Variants in TMEM204 observed in about 807,000 individuals in gnomAD.
TMEM204 encodes the protein claudin-like protein 24.
In TMEM204, 15 loss-of-function variants were observed where a neutral mutation model predicts 19.4. The observed-to-expected ratio is 0.77, with a 90% CI of 0.52 to 1.19. The LOEUF (loss-of-function observed/expected upper bound fraction) is 1.19. TMEM204 is among the 50% of genes most tolerant of loss of function. TMEM204 has a pLI of 0.00. For missense variants in TMEM204, 287 were observed against 321.2 expected, an observed-to-expected ratio of 0.89 and a Z score of 0.81; for synonymous variants, 161 against 146.0, an observed-to-expected ratio of 1.10 and a Z score of -0.74.
chr16:1,537,443 C>G (rs1005979266), intron 1 of TMEM204, among the ~76,000 whole-genome samples: 1 of 152,260 alleles, frequency 6.6e-6, no homozygotes, highest in African/African-American at 2.4e-5. Context: ...CCCCGGACAT[C>G]CTGAACTCTG....
intron 2 of TMEM204, among the ~76,000 whole-genome samples, chr16:1,547,814 G>T (rs748606698): frequency 6.6e-6 from 1 of 152,174 alleles, no homozygotes; most frequent in African/African-American, 2.4e-5. Flanking sequence ...GGGATTACAG[G>T]CGTGAGTCAC....
intron 2 of TMEM204, among the ~76,000 whole-genome samples, chr16:1,549,138 T>C (rs2032426055): frequency 6.6e-6 from 1 of 152,264 alleles, no homozygotes; most frequent in African/African-American, 2.4e-5. Flanking sequence ...CCTCTGGGTC[T>C]CACTGGCGTC....
At chr16:1,536,790 C>G (rs2031115800) in intron 1 of TMEM204, among the ~76,000 whole-genome samples, 2 of 152,206 alleles carry the variant, frequency 1.3e-5, no homozygotes, top group African/African-American at 4.8e-5. Context: ...CTGGTGCCCA[C>G]CTCTCCAAGC....
chr16:1,534,954 T>C (rs1596320377), intron 1 of TMEM204, among the ~76,000 whole-genome samples: 3 of 152,262 alleles, frequency 2.0e-5, no homozygotes, highest in Middle Eastern at 3.4e-3. Context: ...TCTGTAATCC[T>C]AGCGCTTTGG....
intron 2 of TMEM204, chr16:1,554,125 G>A (rs2032898174): frequency 1.6e-6 from 2 of 1,287,056 alleles, no homozygotes; most frequent in Non-Finnish European, 2.0e-6. Context: ...TCGGAAGTGA[G>A]GGAAGACACC....
At chr16:1,541,556 G>A (rs1296306784) in intron 1 of TMEM204, 2 of 959,124 alleles carry the variant, frequency 2.1e-6, no homozygotes, top group Non-Finnish European at 1.2e-6. Context: ...TGTTGCTGGT[G>A]GGCTTCCCCT....
At chr16:1,543,450 C>T (rs747196676) in intron 2 of TMEM204, among the ~76,000 whole-genome samples, 62 of 152,328 alleles carry the variant, frequency 4.1e-4, no homozygotes, top group Non-Finnish European at 6.5e-4. Flanking sequence ...GGGCAAGTCA[C>T]TTCCCCTGGC....
upstream of TMEM204, among the ~76,000 whole-genome samples, chr16:1,529,918 A>G (rs919253880): frequency 6.6e-6 from 1 of 152,050 alleles, no homozygotes; most frequent in African/African-American, 2.4e-5. Context: ...CTCAAAAGAA[A>G]CACTGTGTCC....
chr16:1,530,892 T>G (rs1029715219), upstream of TMEM204: 1 of 152,322 alleles, frequency 6.6e-6, no homozygotes, highest in Admixed American at 6.5e-5. Context: ...ATGTGCTGTA[T>G]GTGCGGCCAC....
At chr16:1,540,025 G>A (rs1010747512) in intron 1 of TMEM204, among the ~76,000 whole-genome samples, 3 of 152,320 alleles carry the variant, frequency 2.0e-5, no homozygotes, top group Non-Finnish European at 2.9e-5. Context: ...AGGAGGGGAC[G>A]CTGTGGAGGG....
chr16:1,547,469 C>T (rs1197671479), intron 2 of TMEM204, among the ~76,000 whole-genome samples: 2 of 152,198 alleles, frequency 1.3e-5, no homozygotes, highest in African/African-American at 4.8e-5. Flanking sequence ...TTCTCTTAGA[C>T]TTGGGAATCG....
intron 1 of TMEM204, among the ~76,000 whole-genome samples, chr16:1,539,982 C>T (rs929045000): frequency 9.2e-5 from 14 of 152,186 alleles, no homozygotes; most frequent in African/African-American, 2.4e-4. Context: ...AGCCTGGCAT[C>T]CAGGAAGGAG....
In TMEM204 at chr16:1,553,688, T is replaced by C. The variant is rs985425285; in HGVS notation, c.437-1094T>C. 2.0e-5 allele frequency: 21 copies of C among 1,066,334 alleles called. No individual in the cohort carries two copies. The African/African-American group carries it at 3.1e-4, about 16-fold the overall frequency. 66.1% of individuals were successfully genotyped at this position (1,066,334 alleles called of 1,614,324 possible). On this transcript the variant is annotated intron_variant, in intron 2 of 2. Transcript: ENST00000566264. The surrounding 1 kb of genome is among the most constrained non-coding windows in gnomAD (Gnocchi z 4.4). ...CAGAAGCGGGGCTGGGGCTGAAGGCTGGCTGGAGGCCCCATGGCCTCCAGG... is the reference window on the plus strand; with the variant it reads ...CAGAAGCGGGGCTGGGGCTGAAGGCCGGCTGGAGGCCCCATGGCCTCCAGG...
chr16:1,534,525 G>T lies in TMEM204; in HGVS notation c.250G>T (p.Gly84Cys). The T allele has an allele frequency of 6.2e-7, 1 of 1,606,320 alleles. No homozygotes were observed. The highest frequency in any genetic ancestry group is 8.5e-7 in the Non-Finnish European group (1 of 1,179,852). Reference protein sequence around the residue: ...EALGWGSEAAGFQESRGTVKL... With the variant: ...EALGWGSEAACFQESRGTVKL... ...GCTGGGCTGGGGCTCCGAGGCAGCC[G>T]GCTTCCAGGAGTCCCGAGGCACCGT... The change falls in exon 1 of 3, where the codon GGC becomes TGC. Residue 84 changes from glycine to cysteine, a missense_variant. Coordinates refer to ENST00000566264, the MANE Select transcript of TMEM204 (RefSeq NM_024600.6).
intron 2 of TMEM204, among the ~76,000 whole-genome samples, chr16:1,543,557 G>A (rs928271395): frequency 4.6e-5 from 7 of 152,352 alleles, no homozygotes; most frequent in African/African-American, 1.7e-4. Context: ...CATCACCATC[G>A]ACGTGGGGTC....
intron 2 of TMEM204, among the ~76,000 whole-genome samples, chr16:1,546,041 C>T (rs949361408): frequency 3.9e-5 from 6 of 152,248 alleles, no homozygotes; most frequent in Admixed American, 6.5e-5. Context: ...TCTCCCCTCT[C>T]CTCCTCGTGG....
intron 2 of TMEM204, among the ~76,000 whole-genome samples, chr16:1,547,861 T>C (rs184030700): frequency 2.6e-5 from 4 of 152,192 alleles, no homozygotes; most frequent in Admixed American, 1.3e-4. Flanking sequence ...TCTTAAAGCA[T>C]AGATGGGGTC....
At chr16:1,543,415 G>A (rs981260726) in intron 2 of TMEM204, among the ~76,000 whole-genome samples, 2 of 152,222 alleles carry the variant, frequency 1.3e-5, no homozygotes, top group East Asian at 1.9e-4. Flanking sequence ...CTCTCTGAGC[G>A]CTATTAATAG....
chr16:1,548,367 A>G (rs557776376), intron 2 of TMEM204, among the ~76,000 whole-genome samples: 1 of 152,332 alleles, frequency 6.6e-6, no homozygotes, highest in South Asian at 2.1e-4. Flanking sequence ...CAGAAGCTGA[A>G]GCCCCAAGAA....
Sources: gnomAD v4.1 joint callset for allele counts (sites outside exome capture counted in the v4.1 genomes callset) on GRCh38, gnomAD v4.1.1 for gene constraint, Gnocchi (gnomAD v3.1) non-coding constraint, MANE v1.5 for transcripts, NCBI Gene and HGNC (gene_info 2026-07-23, HGNC 2026-07-21) for gene names.